Variants in MSANTD7 observed in about 807,000 individuals in gnomAD.
MSANTD7 encodes Myb/SANT DNA binding domain containing 7.
the MSANTD7 span, chr10:14,846,934 C>T: frequency 1.0e-6 from 1 of 985,426 alleles, no homozygotes; most frequent in African/African-American, 1.7e-5. Context: ...ATACCAACTT[C>T]TCACCACCTT....
the MSANTD7 span, chr10:14,846,942 CTTTG>C: frequency 1.0e-6 from 1 of 985,358 alleles, no homozygotes; most frequent in Non-Finnish European, 1.2e-6. Context: ...TTCTCACCAC[CTTTG>C]TTTTTCTGTT....
the MSANTD7 span, chr10:14,846,367 G>A: frequency 2.0e-6 from 2 of 985,214 alleles, no homozygotes; most frequent in African/African-American, 3.5e-5. Flanking sequence ...CTGAAGAAGA[G>A]CATTGGAATT....
At chr10:14,839,039 G>T in the MSANTD7 span, among the ~76,000 whole-genome samples, 3 of 152,238 alleles carry the variant, frequency 2.0e-5, no homozygotes, top group African/African-American at 7.2e-5. Context: ...GGAGGCTGCA[G>T]TCGAGCTGGG....
At chr10:14,842,462 C>T in the MSANTD7 span, 55 of 1,536,036 alleles carry the variant, frequency 3.6e-5, no homozygotes, top group Non-Finnish European at 4.6e-5. This position sits in a 1 kb window ranked among gnomAD's most constrained non-coding sequence, Gnocchi z 5.2. Flanking sequence ...CCGCACCGAA[C>T]GTCAGTGCCG....
At chr10:14,840,492 T>C in the MSANTD7 span, among the ~76,000 whole-genome samples, 1 of 152,216 alleles carries the variant, frequency 6.6e-6, no homozygotes, top group Non-Finnish European at 1.5e-5. Context: ...TTATTGACAA[T>C]GTGGTTGAAT....
the MSANTD7 span, chr10:14,846,325 A>C: frequency 1.0e-6 from 1 of 985,288 alleles, no homozygotes; most frequent in African/African-American, 1.7e-5. Flanking sequence ...CAAAGTGCAT[A>C]AGACAGGGAT....
chr10:14,846,411 G>A, the MSANTD7 span: 52 of 985,340 alleles, frequency 5.3e-5, no homozygotes, highest in Non-Finnish European at 6.1e-5. Flanking sequence ...AATTCAATGG[G>A]TAAAGTAACC....
chr10:14,845,695 G>A, the MSANTD7 span: 6 of 228,750 alleles, frequency 2.6e-5, no homozygotes, highest in South Asian at 1.6e-4. Context: ...CCGAGTAGCC[G>A]GGATTACAGG....
At chr10:14,840,013 T>C in the MSANTD7 span, 13 of 1,543,756 alleles carry the variant, frequency 8.4e-6, no homozygotes, top group African/African-American at 1.4e-4. Context: ...TTTGTACTTC[T>C]GAAATAATTT....
the MSANTD7 span, chr10:14,846,703 G>A: frequency 1.0e-6 from 1 of 974,862 alleles, no homozygotes; most frequent in Non-Finnish European, 1.2e-6. Flanking sequence ...ACAGATGAAT[G>A]TATGAGCACT....
At chr10:14,844,904 G>C in the MSANTD7 span, 1 of 985,288 alleles carries the variant, frequency 1.0e-6, no homozygotes, top group Non-Finnish European at 1.2e-6. Flanking sequence ...TGTTATACAG[G>C]GCAAGCCCTA....
the MSANTD7 span, chr10:14,846,707 G>A: frequency 3.1e-6 from 3 of 976,840 alleles, no homozygotes; most frequent in South Asian, 4.7e-5. Context: ...ATGAATGTAT[G>A]AGCACTTTCA....
At chr10:14,838,551 C>A in the MSANTD7 span, 1 of 1,285,354 alleles carries the variant, frequency 7.8e-7, no homozygotes, top group South Asian at 1.4e-5. Context: ...GGCGTGTCGC[C>A]GGCCTAGGGA....
chr10:14,842,670 A>G, the MSANTD7 span: 2 of 1,536,282 alleles, frequency 1.3e-6, no homozygotes, highest in East Asian at 4.9e-5. The surrounding 1 kb of genome is among the most constrained non-coding windows in gnomAD (Gnocchi z 5.2). Context: ...GTGGCCTCTG[A>G]CGCCCCAGGG....
At chr10:14,845,792 C>G in the MSANTD7 span, 1 of 173,234 alleles carries the variant, frequency 5.8e-6, no homozygotes, top group Non-Finnish European at 1.1e-5. Context: ...GAACTCCTGA[C>G]CTCAGGTGAT....
At chr10:14,843,222 T>G in the MSANTD7 span, 2 of 1,001,768 alleles carry the variant, frequency 2.0e-6, no homozygotes, top group South Asian at 1.6e-5. Flanking sequence ...ATTGTCCAGA[T>G]TAAGGAAATG....
At chr10:14,843,882 T>C in the MSANTD7 span, 1 of 1,536,044 alleles carries the variant, frequency 6.5e-7, no homozygotes, top group South Asian at 1.2e-5. Context: ...TGATTTCGAA[T>C]ACCAAAAGCT....
the MSANTD7 span, among the ~76,000 whole-genome samples, chr10:14,843,032 G>A: frequency 6.6e-6 from 1 of 152,178 alleles, no homozygotes; most frequent in African/African-American, 2.4e-5. Context: ...TATGCCCCTG[G>A]CAACATAAGG....
the MSANTD7 span, chr10:14,843,408 C>T: frequency 6.4e-7 from 1 of 1,550,906 alleles, no homozygotes; most frequent in Non-Finnish European, 8.7e-7. Flanking sequence ...GCAGCTCCCA[C>T]AGCCTTTTCA....
Sources: gnomAD v4.1 joint callset for allele counts (sites outside exome capture counted in the v4.1 genomes callset) on GRCh38, gnomAD v4.1.1 for gene constraint, Gnocchi (gnomAD v3.1) non-coding constraint, MANE v1.5 for transcripts, NCBI Gene and HGNC (gene_info 2026-07-23, HGNC 2026-07-21) for gene names.